The following NRSN1 variants were observed in gnomAD, a reference collection of about 807,000 sequenced individuals.
The protein encoded by NRSN1 is neurensin-1.
In NRSN1, 14 loss-of-function variants were observed where a neutral mutation model predicts 17.3. The ratio of observed to expected loss-of-function variants is 0.81; its 90% CI spans 0.54 to 1.27. The LOEUF (loss-of-function observed/expected upper bound fraction) is 1.27, where lower values mean the gene tolerates loss of function less well. Ranked by LOEUF, NRSN1 falls within the 50% of genes most tolerant of loss-of-function variation. The pLI, the probability that NRSN1 is intolerant of heterozygous loss-of-function variation, is 0.00. For missense variants in NRSN1, 209 were observed against 235.9 expected, an observed-to-expected ratio of 0.89 and a Z score of 0.75; for synonymous variants, 79 against 94.2, an observed-to-expected ratio of 0.84 and a Z score of 0.93.
intron 3 of NRSN1, among the ~76,000 whole-genome samples, chr6:24,138,512 G>A (rs895430117): frequency 3.9e-5 from 6 of 152,094 alleles, no homozygotes; most frequent in South Asian, 4.1e-4. Flanking sequence ...TCACCTCAGG[G>A]TTATCTTCTT....
chr6:24,135,415 C>A (rs937751658), intron 3 of NRSN1, among the ~76,000 whole-genome samples: 3 of 152,142 alleles, frequency 2.0e-5, no homozygotes, highest in Non-Finnish European at 4.4e-5. Flanking sequence ...TGAAAATGAT[C>A]CAGAGGTCTC....
intron 3 of NRSN1, among the ~76,000 whole-genome samples, chr6:24,142,213 T>TTTTTTTTTTTTTTTTTTTTTTTTTTTC (rs957826257): frequency 3.0e-5 from 4 of 132,540 alleles, no homozygotes; most frequent in African/African-American, 2.6e-5. Flanking sequence ...TTTTTTTTTT[T>TTTTTTTTTTTTTTTTTTTTTTTTTTTC]TCAGAAGACA....
chr6:24,133,448 T>C (rs375916368), intron 2 of NRSN1, among the ~76,000 whole-genome samples: 4 of 152,234 alleles, frequency 2.6e-5, no homozygotes, highest in East Asian at 1.9e-4. Flanking sequence ...CAGAGGAAGA[T>C]ACATGAGATC....
intron 3 of NRSN1, among the ~76,000 whole-genome samples, chr6:24,144,252 G>A (rs941363381): frequency 2.6e-5 from 4 of 152,094 alleles, no homozygotes; most frequent in Non-Finnish European, 5.9e-5. Context: ...CCTCTCTGAC[G>A]CTACATTTCT....
At chr6:24,144,639 T>C (rs10946676) in intron 3 of NRSN1, among the ~76,000 whole-genome samples, 136,650 of 152,168 alleles carry the variant, frequency 0.9, 62,057 homozygotes, top group East Asian at 1. Flanking sequence ...AAGAAGTAGG[T>C]GTCATTCATA....
rs796849516 is a variant in NRSN1, at chr6:24,144,980, A to T, written c.190-568A>T. ...CAACTGCAAAGCATTGTACAAATTT[A>T]AAAAAAAAAGATATTTATATATATA... On this transcript the variant is annotated intron_variant, in intron 3 of 3. Transcript: ENST00000378491. Among the ~76,000 whole-genome samples, 170 of 145,278 alleles carry T rather than the reference A, an allele frequency of 1.2e-3. No homozygotes were observed. In the Middle Eastern group the frequency reaches 0.014, roughly 12 times the overall value.
chr6:24,144,498 G>A (rs12190701), intron 3 of NRSN1, among the ~76,000 whole-genome samples: 17,252 of 152,100 alleles, frequency 0.11, 1,038 homozygotes, highest in Admixed American at 0.15. Flanking sequence ...CTCTGGTTGG[G>A]TGATTTTGGG....
intron 3 of NRSN1, among the ~76,000 whole-genome samples, chr6:24,142,740 C>T (rs116200014): frequency 0.017 from 2,520 of 152,290 alleles, 41 homozygotes; most frequent in South Asian, 0.034. Flanking sequence ...AATGAGGCCG[C>T]AGACCCTGGC....
intron 3 of NRSN1, among the ~76,000 whole-genome samples, chr6:24,143,351 T>C (rs1760251971): frequency 6.6e-6 from 1 of 152,160 alleles, no homozygotes; most frequent in African/African-American, 2.4e-5. Context: ...GAAATTGGAA[T>C]AAAAATACCT....
At chr6:24,134,228 C>T in intron 2 of NRSN1, 91 bp from the exon 3 acceptor site, 3 of 980,334 alleles carry the variant, frequency 3.1e-6, no homozygotes, top group Non-Finnish European at 4.6e-6. Context: ...ACTAGGCATA[C>T]ATTACTCAGT....
chr6:24,134,040 GTT>G (rs1491534586), intron 2 of NRSN1, among the ~76,000 whole-genome samples: 10 of 151,114 alleles, frequency 6.6e-5, no homozygotes, highest in African/African-American at 2.4e-4. Context: ...GTGTGTGTGT[GTT>G]TTTAGTAGAG....
intron 3 of NRSN1, chr6:24,141,460 T>G: frequency 5.2e-6 from 1 of 194,032 alleles, no homozygotes; most frequent in Non-Finnish European, 1.0e-5. Context: ...AATTCCCCAA[T>G]GGGTGCATCT....
rs1760284891 is a variant in NRSN1 at position 24,145,288 on chromosome 6, C to T, written c.190-260C>T. Among the ~76,000 whole-genome samples the T allele has an allele frequency of 6.8e-6, 1 of 146,588 alleles. No individual in the cohort carries two copies. The highest frequency in any genetic ancestry group is 2.1e-4 in the South Asian group (1 of 4,740). ...CTTTAGATATACAATATATGTATAT[C>T]TTTAGATATATAATATATATATATG... is the stretch of plus-strand genomic sequence containing the variant. On this transcript the variant is annotated intron_variant, in intron 3 of 3. Coordinates refer to ENST00000378491, the MANE Select transcript of NRSN1 (RefSeq NM_080723.5). This position sits in a 1 kb window ranked among gnomAD's most constrained non-coding sequence, Gnocchi z 4.4.
chr6:24,136,286 G>GA (rs1409536595), intron 3 of NRSN1, among the ~76,000 whole-genome samples: 3 of 152,054 alleles, frequency 2.0e-5, no homozygotes, highest in African/African-American at 4.8e-5. Context: ...TCTTAAATGG[G>GA]AAAAAAAGTT....
chr6:24,126,864 TCAGA>T (rs548544168), intron 1 of NRSN1, among the ~76,000 whole-genome samples: 6 of 152,118 alleles, frequency 3.9e-5, no homozygotes, highest in Non-Finnish European at 8.8e-5. Context: ...AGGGTGGGGG[TCAGA>T]CAGAGTCTGG....
At chr6:24,142,650 G>A (rs554123367) in intron 3 of NRSN1, among the ~76,000 whole-genome samples, 1 of 152,102 alleles carries the variant, frequency 6.6e-6, no homozygotes, top group South Asian at 2.1e-4. Flanking sequence ...GTAGAGATGG[G>A]GTTTGACCAT....
At chr6:24,142,179 TATACAGAAC>T (rs1760217797) in intron 3 of NRSN1, among the ~76,000 whole-genome samples, 1 of 127,058 alleles carries the variant, frequency 7.9e-6, no homozygotes, top group Non-Finnish European at 1.6e-5. Flanking sequence ...ACTTATGTCT[TATACAGAAC>T]AGCTTTTTTT....
rs1026744562 is a variant in NRSN1 at position 24,136,675 on chromosome 6, C to T, written c.189+2159C>T. On this transcript the variant is annotated intron_variant, in intron 3 of 3. Coordinates refer to ENST00000378491, the MANE Select transcript of NRSN1 (RefSeq NM_080723.5). ...TTATGTGATTTGTGAAGCTGTAAAC[C>T]CATCAAATAAAACATAGTTATGGGT... 2.6e-5 allele frequency among the ~76,000 whole-genome samples: 4 copies of T among 152,222 alleles called. No individual in the cohort carries two copies. The East Asian group carries it at 7.7e-4, about 29-fold the overall frequency.
At chr6:24,137,089 T>C (rs1357015558) in intron 3 of NRSN1, among the ~76,000 whole-genome samples, 1 of 152,228 alleles carries the variant, frequency 6.6e-6, no homozygotes, top group Non-Finnish European at 1.5e-5. Context: ...GTGGTTCAAA[T>C]TGCTGGCTTC....
Sources: gnomAD v4.1 joint callset for allele counts (sites outside exome capture counted in the v4.1 genomes callset) on GRCh38, gnomAD v4.1.1 for gene constraint, Gnocchi (gnomAD v3.1) non-coding constraint, MANE v1.5 for transcripts, NCBI Gene and HGNC (gene_info 2026-07-23, HGNC 2026-07-21) for gene names.